PAX7: variants seen among roughly 807,000 people sequenced by gnomAD.
PAX7 encodes paired box protein Pax-7.
In PAX7, 18 loss-of-function variants were observed where a neutral mutation model predicts 50.7. That is an observed-to-expected ratio of 0.36 (90% confidence interval 0.25 to 0.53). The LOEUF (loss-of-function observed/expected upper bound fraction) is 0.53. Among genes scored for constraint, PAX7 ranks in the 20% least tolerant of loss-of-function variants. PAX7 has a pLI of 0.93. For missense variants in PAX7, 644 were observed against 702.9 expected (o/e 0.92, Z 0.95); for synonymous variants, 310 against 290.4 (o/e 1.07, Z -0.69).
intron 4 of PAX7, among the ~76,000 whole-genome samples, chr1:18,647,961 G>A (rs933638075): frequency 1.3e-5 from 2 of 152,188 alleles, no homozygotes; most frequent in Non-Finnish European, 2.9e-5. Flanking sequence ...AAGGTCAAGA[G>A]AAGAAGGTAG....
Position 18,748,865 on chromosome 1 carries a change from C to A in PAX7, c.*3936C>A. On this transcript the variant is annotated 3_prime_UTR_variant, in exon 9 of 9. Coordinates refer to ENST00000420770, the MANE Select transcript of PAX7 (RefSeq NM_001135254.2). Reference sequence around the variant, plus strand: ...GTTATACATTAAAAGAAATTAAAAGCATTTTGAAGGTTTCGTGTACTCAAT... The same window carrying A: ...GTTATACATTAAAAGAAATTAAAAGAATTTTGAAGGTTTCGTGTACTCAAT... The A allele has an allele frequency of 5.1e-6, 1 of 194,516 alleles. No individual in the cohort carries two copies. Among genetic ancestry groups the A allele is most frequent in the Non-Finnish European group, 1.1e-5 (1 of 93,406 alleles). 12.0% of individuals were successfully genotyped at this position (194,516 alleles called of 1,614,324 possible).
At chr1:18,673,819 G>A (rs1281266225) in intron 4 of PAX7, among the ~76,000 whole-genome samples, 1 of 152,164 alleles carries the variant, frequency 6.6e-6, no homozygotes, top group East Asian at 1.9e-4. Context: ...TGAAGACACT[G>A]CATTTGCATT....
intron 7 of PAX7, among the ~76,000 whole-genome samples, chr1:18,729,104 G>A (rs1170873789): frequency 2.0e-5 from 3 of 152,228 alleles, no homozygotes; most frequent in Non-Finnish European, 4.4e-5. Context: ...CCAGCCTGGG[G>A]ACAGTTCTTG....
intron 7 of PAX7, among the ~76,000 whole-genome samples, chr1:18,713,055 C>A (rs564410889): frequency 6.6e-6 from 1 of 151,964 alleles, no homozygotes; most frequent in Non-Finnish European, 1.5e-5. Context: ...GCCTTCAAGC[C>A]GGGGCAACAG....
intron 5 of PAX7, among the ~76,000 whole-genome samples, chr1:18,695,495 G>T (rs920532071): frequency 2.0e-5 from 3 of 152,182 alleles, no homozygotes; most frequent in Non-Finnish European, 4.4e-5. Context: ...GGTCACCAAA[G>T]AGTGGCCTGT....
At chr1:18,710,900 T>C (rs2089343683) in intron 7 of PAX7, among the ~76,000 whole-genome samples, 1 of 152,170 alleles carries the variant, frequency 6.6e-6, no homozygotes, top group South Asian at 2.1e-4. Context: ...GAGGTTGGGT[T>C]TTGGAGGGAT....
intron 4 of PAX7, among the ~76,000 whole-genome samples, chr1:18,688,597 CTCAG>C (rs1192600550): frequency 1.3e-5 from 2 of 152,194 alleles, no homozygotes; most frequent in African/African-American, 2.4e-5. Flanking sequence ...TGAATGGAGA[CTCAG>C]TCAGATTAGT....
intron 8 of PAX7, among the ~76,000 whole-genome samples, chr1:18,741,742 G>T (rs1336306343): frequency 6.6e-6 from 1 of 152,262 alleles, no homozygotes; most frequent in Non-Finnish European, 1.5e-5. Flanking sequence ...TGCTTTAGCG[G>T]TGTGCCCTTG....
At chr1:18,654,365 T>C (rs2088480465) in intron 4 of PAX7, among the ~76,000 whole-genome samples, 1 of 152,080 alleles carries the variant, frequency 6.6e-6, no homozygotes, top group Non-Finnish European at 1.5e-5. Flanking sequence ...AAATATGCAA[T>C]AAATAATCAC....
intron 8 of PAX7, among the ~76,000 whole-genome samples, chr1:18,738,170 G>A (rs896601507): frequency 5.3e-5 from 8 of 152,128 alleles, no homozygotes; most frequent in Non-Finnish European, 1.2e-4. Flanking sequence ...GAATGTGTAC[G>A]TGGGGGTCTG....
chr1:18,743,395 G>A (rs935361122), intron 8 of PAX7, among the ~76,000 whole-genome samples: 5 of 152,316 alleles, frequency 3.3e-5, no homozygotes, highest in Non-Finnish European at 5.9e-5. Context: ...TCCTCAGGCC[G>A]TGCGTATCAC....
rs555675776 is a variant in PAX7, at chr1:18,655,677, C to T, written c.586+19306C>T. On this transcript the variant is annotated intron_variant, in intron 4 of 8. Transcript: ENST00000420770. ...CGGAAATCTCAACTTGACCAGGTTCCCCCTCCCTTCTTTAAAACAAACTCA... is the reference window on the plus strand; with the variant it reads ...CGGAAATCTCAACTTGACCAGGTTCTCCCTCCCTTCTTTAAAACAAACTCA... Among the ~76,000 whole-genome samples, 7 of 152,266 alleles carry T rather than the reference C, an allele frequency of 4.6e-5. No individual in the cohort carries two copies. In the South Asian group the frequency reaches 1.0e-3, roughly 23 times the overall value.
intron 1 of PAX7, among the ~76,000 whole-genome samples, chr1:18,633,465 G>A (rs922773603): frequency 1.2e-4 from 19 of 152,204 alleles, no homozygotes; most frequent in Admixed American, 8.5e-4. Flanking sequence ...CCCCACCCGG[G>A]GGGACTGTGT....
At chr1:18,714,402 T>C (rs547722212) in intron 7 of PAX7, among the ~76,000 whole-genome samples, 6 of 152,206 alleles carry the variant, frequency 3.9e-5, no homozygotes, top group African/African-American at 1.4e-4. Flanking sequence ...AAACCCTTAG[T>C]TCCACACCCG....
intron 4 of PAX7, among the ~76,000 whole-genome samples, chr1:18,645,306 C>A (rs2088320788): frequency 6.6e-6 from 1 of 152,202 alleles, no homozygotes; most frequent in Admixed American, 6.5e-5. Flanking sequence ...GGCTGGGCTG[C>A]GGAGCCTCTT....
chr1:18,681,492 A>G (rs2088899013), intron 4 of PAX7, among the ~76,000 whole-genome samples: 1 of 152,150 alleles, frequency 6.6e-6, no homozygotes, highest in Non-Finnish European at 1.5e-5. Flanking sequence ...TGTCCATGCA[A>G]CTACACAGTA....
chr1:18,732,281 T>G (rs1163351357), intron 7 of PAX7, among the ~76,000 whole-genome samples: 1 of 152,232 alleles, frequency 6.6e-6, no homozygotes, highest in Non-Finnish European at 1.5e-5. Flanking sequence ...GGATTGGCAT[T>G]TTTCATGGCT....
At chr1:18,681,483 G>C (rs2088898778) in intron 4 of PAX7, among the ~76,000 whole-genome samples, 1 of 152,136 alleles carries the variant, frequency 6.6e-6, no homozygotes, top group African/African-American at 2.4e-5. Flanking sequence ...TCTGAATTCT[G>C]TCCATGCAAC....
intron 4 of PAX7, among the ~76,000 whole-genome samples, chr1:18,645,033 G>A (rs1321383707): frequency 6.6e-6 from 1 of 152,226 alleles, no homozygotes; most frequent in African/African-American, 2.4e-5. Flanking sequence ...AAACAGATGT[G>A]TCTCGTTATG....
Sources: allele counts gnomAD v4.1 joint callset (sites outside exome capture counted in the v4.1 genomes callset), GRCh38; gene constraint gnomAD v4.1.1; transcripts MANE v1.5; gene names NCBI Gene and HGNC (gene_info 2026-07-23, HGNC 2026-07-21).